The following TG variants were observed in gnomAD, a reference collection of about 807,000 sequenced individuals.
The protein encoded by TG is thyroid hormones.
In TG, 270 loss-of-function variants were observed where a neutral mutation model predicts 324.7. The ratio of observed to expected loss-of-function variants is 0.83; its 90% CI spans 0.75 to 0.92. The LOEUF is 0.92. Among genes scored for constraint, TG ranks in the 40% least tolerant of loss-of-function variants. The pLI, the probability that TG is intolerant of heterozygous loss-of-function variation, is 0.00. For synonymous variants in TG, 1,401 were observed against 1,327.0 expected (o/e 1.06, Z -1.21); for missense variants, 3,591 against 3,456.4 (o/e 1.04, Z -0.98).
chr8:132,893,363 C>A (rs60207939), intron 10 of TG, among the ~76,000 whole-genome samples: 1 of 144,532 alleles, frequency 6.9e-6, no homozygotes, highest in Admixed American at 6.8e-5. Context: ...TGTGGTGTGT[C>A]TGTGGTGTAT....
intron 40 of TG, among the ~76,000 whole-genome samples, chr8:133,027,443 G>A (rs1246104002): frequency 1.3e-5 from 2 of 152,234 alleles, no homozygotes; most frequent in South Asian, 4.1e-4. Context: ...GGCAAAGAGT[G>A]TGCCTGTGGT....
chr8:132,877,564 G>A (rs77011407), intron 5 of TG, among the ~76,000 whole-genome samples: 1,916 of 152,272 alleles, frequency 0.013, 49 homozygotes, highest in African/African-American at 0.043. Flanking sequence ...GACTGAGCCC[G>A]GAGGCAGGAA....
chr8:132,872,477 CAAAAAAAA>C (rs11359047), intron 4 of TG, among the ~76,000 whole-genome samples: 1 of 73,154 alleles, frequency 1.4e-5, no homozygotes, highest in African/African-American at 5.5e-5. Context: ...GACTCCGTCT[CAAAAAAAA>C]AAAAAAAAAA....
In TG at chr8:133,133,587, C is replaced by T; in HGVS notation, c.8115C>T (p.Pro2705=). 1.9e-6 allele frequency: 3 copies of T among 1,614,208 alleles called. No individual in the cohort carries two copies. Among genetic ancestry groups the T allele is most frequent in the Non-Finnish European group, 2.5e-6 (3 of 1,180,038 alleles). The stretch of plus-strand genomic sequence containing the variant: ...ACAAGGAGTTCAGTGAGCTGCTCCC[C>T]AATCGACAGGGCCTGAAGAAAGCCG... ...ENYKEFSELL[P]NRQGLKKADC... is the part of the protein sequence containing the mutation. The change falls in exon 47 of 48, where the codon CCC becomes CCT. Residue 2705 remains proline (P), a synonymous_variant. Coordinates refer to ENST00000220616, the MANE Select transcript of TG (RefSeq NM_003235.5).
Position 132,882,608 on chromosome 8 carries a change from C to T in TG, c.885C>T (p.Phe295=). Reference sequence around the variant, plus strand: ...TTCAATCAGTCATCTCTGGCAGATTCCGATGTAAGTAATAAACTGCCAACA... The same window carrying T: ...TTCAATCAGTCATCTCTGGCAGATTTCGATGTAAGTAATAAACTGCCAACA... ...LAVQSVISGR[F]RCPTKCEVER... is the part of the protein sequence containing the mutation. The change falls in exon 7 of 48, where the codon TTC becomes TTT. Residue 295 remains phenylalanine (F), a synonymous_variant. Coordinates refer to ENST00000220616, the MANE Select transcript of TG (RefSeq NM_003235.5). 1 of 1,614,204 alleles carries T rather than the reference C, an allele frequency of 6.2e-7. No homozygotes were observed. Among genetic ancestry groups the T allele is most frequent in the Non-Finnish European group, 8.5e-7 (1 of 1,180,058 alleles).
intron 46 of TG, 101 bp from the exon 47 acceptor site, chr8:133,133,369 G>T (rs1017753194): frequency 8.2e-6 from 10 of 1,215,780 alleles, no homozygotes; most frequent in African/African-American, 1.5e-5. Context: ...ACAGATACAT[G>T]AATTGTCCCT....
chr8:133,076,030 GAAA>G (rs1844807702), intron 41 of TG: 1 of 152,126 alleles, frequency 6.6e-6, no homozygotes, highest in Non-Finnish European at 1.5e-5. Flanking sequence ...CTCAAGCAGA[GAAA>G]CTCAGGCACA....
chr8:132,990,915 G>GT (rs35213262), intron 35 of TG, among the ~76,000 whole-genome samples: 42,971 of 135,970 alleles, frequency 0.32, 6,795 homozygotes, highest in Middle Eastern at 0.34. Flanking sequence ...AGGAAGGCCA[G>GT]TTTTTTTTTT....
Position 132,868,104 on chromosome 8 carries a change from T to C in TG, c.68-11T>C. 1 of 1,613,894 alleles carries C rather than the reference T, an allele frequency of 6.2e-7. No homozygotes were observed. The highest frequency in any genetic ancestry group is 1.1e-5 in the South Asian group (1 of 91,082). On this transcript the variant is annotated splice_polypyrimidine_tract_variant and intron_variant, in intron 1 of 47. Transcript: ENST00000220616. Reference sequence around the variant, plus strand: ...ACACTCTTCTTTGATGAACCACTTTTCTTTTCCTAGAGTACCAGGTGGATG... The same window carrying C: ...ACACTCTTCTTTGATGAACCACTTTCCTTTTCCTAGAGTACCAGGTGGATG...
intron 45 of TG, among the ~76,000 whole-genome samples, chr8:133,117,767 G>A (rs1425507685): frequency 6.6e-6 from 1 of 152,184 alleles, no homozygotes; most frequent in Non-Finnish European, 1.5e-5. Flanking sequence ...GCCATCTGGG[G>A]TCAAGAACAT....
chr8:133,038,596 G>A (rs748250189), intron 41 of TG: 6 of 1,614,098 alleles, frequency 3.7e-6, no homozygotes, highest in Non-Finnish European at 4.2e-6. Context: ...TCAGGGAGAT[G>A]CTTTTCTTCT....
At chr8:133,086,623 TA>T (rs1846605822) in intron 41 of TG, among the ~76,000 whole-genome samples, 1 of 152,366 alleles carries the variant, frequency 6.6e-6, no homozygotes, top group South Asian at 2.1e-4. Context: ...TGAATAGATT[TA>T]GTTATAAAGA....
chr8:133,054,935 A>G (rs754885820), intron 41 of TG, among the ~76,000 whole-genome samples: 1 of 152,170 alleles, frequency 6.6e-6, no homozygotes, highest in Non-Finnish European at 1.5e-5. Flanking sequence ...ACTCCCACTT[A>G]TAACTGTCTA....
At chr8:133,088,595 G>T (rs1846988785) in intron 41 of TG, among the ~76,000 whole-genome samples, 1 of 152,126 alleles carries the variant, frequency 6.6e-6, no homozygotes, top group South Asian at 2.1e-4. Context: ...CCCTTAGAAG[G>T]TGCCTTATAA....
Position 132,983,414 on chromosome 8 carries a change from TA to T in TG, c.6262+4del, listed in dbSNP as rs765353143. 6.2e-7 allele frequency: 1 copy of T among 1,613,480 alleles called. No individual in the cohort carries two copies. The highest frequency in any genetic ancestry group is 8.5e-7 in the Non-Finnish European group (1 of 1,179,360). ...TTCTGCCTTCCCTCACAGAGAAAGG[TA>T]AGTTCATTGTCTTTTTATCTCTTGG... On this transcript the variant is annotated splice_donor_region_variant and intron_variant, in intron 35 of 47. Transcript: ENST00000220616.
At chr8:133,017,551 A>G in intron 37 of TG, 2 of 579,612 alleles carry the variant, frequency 3.5e-6, no homozygotes, top group Non-Finnish European at 6.2e-6. Flanking sequence ...CATTCTGTGC[A>G]TTTTGGTGCC....
intron 35 of TG, among the ~76,000 whole-genome samples, chr8:133,003,769 C>G (rs1833779368): frequency 6.6e-6 from 1 of 152,146 alleles, no homozygotes; most frequent in African/African-American, 2.4e-5. Flanking sequence ...CTGCCCCCAT[C>G]ATCCCTCCCA....
At chr8:132,904,655 T>G (rs1272099328) in intron 16 of TG, among the ~76,000 whole-genome samples, 4 of 152,146 alleles carry the variant, frequency 2.6e-5, no homozygotes, top group Admixed American at 6.5e-5. Flanking sequence ...GTCAGTGTCC[T>G]AGGTGATGTT....
chr8:132,981,171 G>A (rs1014120732), intron 34 of TG, among the ~76,000 whole-genome samples: 1 of 152,206 alleles, frequency 6.6e-6, no homozygotes, highest in Non-Finnish European at 1.5e-5. Flanking sequence ...GGTGTGAAAG[G>A]AAAGTAAAGC....
Sources: gnomAD v4.1 joint callset for allele counts (sites outside exome capture counted in the v4.1 genomes callset) on GRCh38, gnomAD v4.1.1 for gene constraint, MANE v1.5 for transcripts, NCBI Gene and HGNC (gene_info 2026-07-23, HGNC 2026-07-21) for gene names.